Variants in TCF12 observed in about 807,000 individuals in gnomAD.
The protein encoded by TCF12 is transcription factor 12, also known as DNA-binding protein HTF4.
Under a neutral mutation model 86.0 loss-of-function variants are expected in TCF12, and 45 were observed. That is an observed-to-expected ratio of 0.52 (90% CI 0.41 to 0.67). TCF12 has a LOEUF of 0.67. Among genes scored for constraint, TCF12 ranks in the 30% least tolerant of loss-of-function variants. TCF12 has a pLI of 0.00. For synonymous variants in TCF12, 330 were observed against 299.6 expected, an observed-to-expected ratio of 1.10 and a Z score of -1.05; for missense variants, 881 against 859.9, an observed-to-expected ratio of 1.02 and a Z score of -0.31.
intron 3 of TCF12, among the ~76,000 whole-genome samples, chr15:57,024,214 G>GTTTTTTTTTTTTTTT (rs2065675315): frequency 8.7e-6 from 1 of 114,864 alleles, no homozygotes; most frequent in African/African-American, 3.9e-5. Flanking sequence ...TCAAAAAAGT[G>GTTTTTTTTTTTTTTT]TCTTTTTTTT....
At chr15:57,283,300 C>T (rs1030025114) in intron 20 of TCF12, among the ~76,000 whole-genome samples, 4 of 151,546 alleles carry the variant, frequency 2.6e-5, no homozygotes, top group Admixed American at 2.0e-4. Context: ...CGCTCTGTTG[C>T]CCAGGCTGGA....
At chr15:56,983,663 A>T (rs1238903229) in intron 3 of TCF12, among the ~76,000 whole-genome samples, 1 of 152,040 alleles carries the variant, frequency 6.6e-6, no homozygotes, top group African/African-American at 2.4e-5. Flanking sequence ...CCGTCAAATA[A>T]GTTATGTAAA....
At chr15:57,110,495 G>A (rs770609177) in intron 5 of TCF12, among the ~76,000 whole-genome samples, 1 of 152,126 alleles carries the variant, frequency 6.6e-6, no homozygotes, top group Non-Finnish European at 1.5e-5. Flanking sequence ...AGAAACTGGC[G>A]TCATCGTTCC....
chr15:57,273,784 G>A (rs1394839759), intron 19 of TCF12, among the ~76,000 whole-genome samples: 2 of 152,096 alleles, frequency 1.3e-5, no homozygotes, highest in Non-Finnish European at 2.9e-5. Context: ...CCCAGACCAG[G>A]AACACCAAGA....
chr15:57,232,696 A>C lies in TCF12; in HGVS notation c.826-16A>C, dbSNP rs2059194254. Reference sequence around the variant, plus strand: ...TCAGAAAATATATTTAATAGATCATATCTCTTTCCATCTAGAGTTATCCTC... The same window carrying C: ...TCAGAAAATATATTTAATAGATCATCTCTCTTTCCATCTAGAGTTATCCTC... On this transcript the variant is annotated splice_polypyrimidine_tract_variant and intron_variant, in intron 10 of 20. Coordinates refer to ENST00000333725, the MANE Select transcript of TCF12 (RefSeq NM_207037.2). The C allele has an allele frequency of 6.2e-7, 1 of 1,607,010 alleles. No homozygotes were observed. Among genetic ancestry groups the C allele is most frequent in the Non-Finnish European group, 8.5e-7 (1 of 1,177,172 alleles).
chr15:57,264,823 G>A (rs182738674), intron 18 of TCF12, among the ~76,000 whole-genome samples: 1 of 152,032 alleles, frequency 6.6e-6, no homozygotes, highest in Non-Finnish European at 1.5e-5. Context: ...TCTGCCTCCC[G>A]GGTTCAAGCA....
intron 3 of TCF12, among the ~76,000 whole-genome samples, chr15:56,992,384 T>G (rs1745030518): frequency 6.6e-6 from 1 of 152,258 alleles, no homozygotes; most frequent in African/African-American, 2.4e-5. Context: ...TTGTTAAAAC[T>G]AAATTTTACA....
At chr15:57,214,737 C>T (rs2058263020) in intron 8 of TCF12, among the ~76,000 whole-genome samples, 1 of 152,074 alleles carries the variant, frequency 6.6e-6, no homozygotes, top group South Asian at 2.1e-4. Context: ...TTAATATCCA[C>T]TGGTTATTGG....
intron 3 of TCF12, among the ~76,000 whole-genome samples, chr15:57,017,596 G>A (rs2065225924): frequency 6.6e-6 from 1 of 152,158 alleles, no homozygotes; most frequent in South Asian, 2.1e-4. Context: ...GCAAAAGTAG[G>A]TATACAAAGT....
intron 3 of TCF12, among the ~76,000 whole-genome samples, chr15:56,933,415 G>A (rs1422160876): frequency 6.6e-6 from 1 of 152,136 alleles, no homozygotes; most frequent in African/African-American, 2.4e-5. Flanking sequence ...ACCTACTAAT[G>A]CTCTGTTTTT....
intron 3 of TCF12, among the ~76,000 whole-genome samples, chr15:57,027,219 G>T (rs1230742650): frequency 6.6e-6 from 1 of 152,184 alleles, no homozygotes; most frequent in Non-Finnish European, 1.5e-5. Context: ...CCCCCTTTCA[G>T]TTAGTTTTCT....
chr15:57,236,122 C>G (rs2059370543), intron 12 of TCF12, among the ~76,000 whole-genome samples: 1 of 152,154 alleles, frequency 6.6e-6, no homozygotes, highest in Non-Finnish European at 1.5e-5. Context: ...TCATTTCTGT[C>G]ATAGCTGACG....
At chr15:56,932,870 A>G (rs2060308154) in intron 3 of TCF12, among the ~76,000 whole-genome samples, 1 of 152,172 alleles carries the variant, frequency 6.6e-6, no homozygotes, top group Admixed American at 6.5e-5. Context: ...ATTAAGGAGA[A>G]AACAGTATAA....
chr15:57,170,728 ATTATATATAATATATATTATATATT>A, intron 6 of TCF12, among the ~76,000 whole-genome samples: 1 of 1,828 alleles, frequency 5.5e-4, no homozygotes, highest in Admixed American at 5.7e-3. Context: ...TATATTATAT[ATTATATATAATATATATTATATATT>A]ATATATTATA....
intron 3 of TCF12, among the ~76,000 whole-genome samples, chr15:56,941,051 G>A (rs1005773562): frequency 4.0e-5 from 6 of 149,292 alleles, no homozygotes; most frequent in Non-Finnish European, 7.4e-5. Flanking sequence ...GTGAGCCACC[G>A]TGCCAGGCCT....
At chr15:57,039,074 C>T (rs2066712238) in intron 3 of TCF12, among the ~76,000 whole-genome samples, 2 of 152,078 alleles carry the variant, frequency 1.3e-5, no homozygotes, top group Non-Finnish European at 2.9e-5. Flanking sequence ...GGCCAGACTG[C>T]TTGGTGTATC....
At chr15:57,111,825 T>G (rs2050513062) in intron 5 of TCF12, among the ~76,000 whole-genome samples, 1 of 152,058 alleles carries the variant, frequency 6.6e-6, no homozygotes, top group Non-Finnish European at 1.5e-5. Flanking sequence ...ACTCCAGAGC[T>G]CAAGCAGTCC....
At chr15:57,079,034 A>G (rs1489208218) in intron 4 of TCF12, among the ~76,000 whole-genome samples, 3 of 152,252 alleles carry the variant, frequency 2.0e-5, no homozygotes, top group Admixed American at 1.3e-4. Context: ...TTAACTCATT[A>G]TATTTTCGTA....
At chr15:57,219,476 G>A (rs745424041) in intron 8 of TCF12, 5 of 1,595,074 alleles carry the variant, frequency 3.1e-6, no homozygotes, top group South Asian at 2.2e-5. Context: ...GTCTTGGAGA[G>A]AGGCTGTGTG....
Sources: allele counts gnomAD v4.1 joint callset (sites outside exome capture counted in the v4.1 genomes callset), GRCh38; gene constraint gnomAD v4.1.1; transcripts MANE v1.5; gene names NCBI Gene and HGNC (gene_info 2026-07-23, HGNC 2026-07-21).